The following MEGF6 variants were observed in gnomAD, a reference collection of about 807,000 sequenced individuals.
The protein encoded by MEGF6 is multiple epidermal growth factor-like domains protein 6.
In MEGF6, 184 loss-of-function variants were observed where a neutral mutation model predicts 207.1. The observed-to-expected ratio is 0.89, with a 90% confidence interval of 0.79 to 1.00. The LOEUF is 1.00. MEGF6 is among the 50% of genes least tolerant of loss of function. The pLI, the probability that MEGF6 is intolerant of heterozygous loss-of-function variation, is 0.00. For missense variants in MEGF6, 2,282 were observed against 2,202.9 expected, an observed-to-expected ratio of 1.04 and a Z score of -0.72; for synonymous variants, 1,038 against 910.0, an observed-to-expected ratio of 1.14 and a Z score of -2.53.
intron 2 of MEGF6, among the ~76,000 whole-genome samples, chr1:3,602,247 C>T (rs906284004): frequency 6.6e-6 from 1 of 152,206 alleles, no homozygotes; most frequent in Admixed American, 6.5e-5. Flanking sequence ...CTCAGGTGCT[C>T]GGCTAAACAG....
intron 35 of MEGF6, among the ~76,000 whole-genome samples, 173 bp from the exon 36 acceptor site, chr1:3,491,132 G>GC (rs967183243): frequency 4.6e-5 from 7 of 151,832 alleles, no homozygotes; most frequent in Non-Finnish European, 8.8e-5. Flanking sequence ...GGGAGCTGGG[G>GC]GGGGGGGCTC....
chr1:3,613,769 T>C (rs1644355414), upstream of MEGF6, among the ~76,000 whole-genome samples: 1 of 152,118 alleles, frequency 6.6e-6, no homozygotes, highest in Admixed American at 6.5e-5. Flanking sequence ...GTGTATGCAT[T>C]TCTAGGGCCC....
chr1:3,511,588 C>T lies in MEGF6; in HGVS notation c.1076G>A (p.Arg359His), dbSNP rs148986195. 231 of 1,612,044 alleles carry T rather than the reference C, an allele frequency of 1.4e-4. No individual in the cohort carries two copies. The highest frequency in any genetic ancestry group is 4.0e-4 in the East Asian group (18 of 44,836). ...TSAGPLCTCP[R>H]GYELDTDQRT... ...CTGATCTGTGTCCAGCTCGTAGCCG[C>T]GGGGACATGTGCACAGGGGCCCAGC... is the stretch of plus-strand genomic sequence containing the variant. Residue 359 changes from arginine (R) to histidine (H), a missense_variant, in exon 9 of 37, where the codon CGC (arginine) becomes CAC (histidine). Physicochemically the swap from Arg to His is conservative, Grantham distance 29. Coordinates refer to ENST00000356575, the MANE Select transcript of MEGF6 (RefSeq NM_001409.4).
At chr1:3,620,241 C>T in the MEGF6 span, among the ~76,000 whole-genome samples, 2 of 152,222 alleles carry the variant, frequency 1.3e-5, no homozygotes, top group Non-Finnish European at 1.5e-5. Flanking sequence ...AAAAGCAAAG[C>T]AGGACATAAA....
chr1:3,517,818 C>A (rs1430386870), intron 5 of MEGF6, among the ~76,000 whole-genome samples: 1 of 152,266 alleles, frequency 6.6e-6, no homozygotes, highest in African/African-American at 2.4e-5. Context: ...CTGTGCTCCA[C>A]AGCCCTCACC....
chr1:3,518,085 TG>T (rs1436347211), intron 5 of MEGF6, among the ~76,000 whole-genome samples: 4 of 152,210 alleles, frequency 2.6e-5, no homozygotes, highest in African/African-American at 7.2e-5. Context: ...TGACTGTTGT[TG>T]GGGGACACTC....
chr1:3,531,274 G>C (rs1199412150), intron 4 of MEGF6: 2 of 1,330,600 alleles, frequency 1.5e-6, no homozygotes, highest in Admixed American at 4.2e-5. Flanking sequence ...GCGGGAGGGG[G>C]CGAGGACCAA....
chr1:3,540,403 G>A (rs1180418764), intron 4 of MEGF6, among the ~76,000 whole-genome samples: 3 of 152,216 alleles, frequency 2.0e-5, no homozygotes, highest in Non-Finnish European at 2.9e-5. Flanking sequence ...GGCCTGGGGA[G>A]GCCCAGATTC....
chr1:3,521,210 G>T (rs954941593), intron 5 of MEGF6, among the ~76,000 whole-genome samples: 5 of 152,194 alleles, frequency 3.3e-5, no homozygotes, highest in African/African-American at 1.2e-4. Flanking sequence ...GGCCCATGGG[G>T]GTGGGAGAGG....
At chr1:3,491,135 G>T (rs1425977497) in intron 35 of MEGF6, among the ~76,000 whole-genome samples, 176 bp from the exon 36 acceptor site, 2 of 151,940 alleles carry the variant, frequency 1.3e-5, no homozygotes, top group African/African-American at 2.4e-5. Context: ...AGCTGGGGGG[G>T]GGGGCTCTCC....
At chr1:3,568,010 G>A (rs995271532) in intron 4 of MEGF6, among the ~76,000 whole-genome samples, 2 of 152,188 alleles carry the variant, frequency 1.3e-5, no homozygotes, top group South Asian at 2.1e-4. Flanking sequence ...GCCCAGCCAC[G>A]GGGCCCAGCT....
chr1:3,532,094 G>C (rs566021846), intron 4 of MEGF6, among the ~76,000 whole-genome samples: 1 of 152,246 alleles, frequency 6.6e-6, no homozygotes, highest in Non-Finnish European at 1.5e-5. Context: ...TTGCCTGCAG[G>C]GTGGCCAGCA....
intron 10 of MEGF6, 151 bp downstream of exon 10, chr1:3,510,632 C>G (rs529074316): frequency 8.9e-7 from 1 of 1,122,644 alleles, no homozygotes. Flanking sequence ...ACACAGCAGG[C>G]GCTCAACCAA....
intron 4 of MEGF6, among the ~76,000 whole-genome samples, chr1:3,546,039 G>A (rs1344466026): frequency 4.6e-5 from 7 of 152,208 alleles, no homozygotes; most frequent in Non-Finnish European, 1.0e-4. Context: ...GTGTCTGACC[G>A]GGACAGCAGA....
the MEGF6 span, among the ~76,000 whole-genome samples, chr1:3,617,631 A>C: frequency 1.3e-5 from 2 of 152,202 alleles, no homozygotes; most frequent in Non-Finnish European, 2.9e-5. Context: ...CCTGAACTTA[A>C]AACAAAATTT....
intron 2 of MEGF6, 106 bp from the exon 3 acceptor site, chr1:3,595,553 C>A (rs540626616): frequency 7.4e-6 from 7 of 942,628 alleles, no homozygotes; most frequent in Non-Finnish European, 9.9e-6. Flanking sequence ...GGGTTCCCGG[C>A]GGCACAGGCT....
At chr1:3,588,507 C>A (rs1464745332) in intron 3 of MEGF6, among the ~76,000 whole-genome samples, 4 of 72,512 alleles carry the variant, frequency 5.5e-5, no homozygotes, top group African/African-American at 2.3e-4. Context: ...CAGGACAGGG[C>A]AGGAGGGGAT....
At position 3,498,735 on chromosome 1, in the gene MEGF6, C is replaced by T. The variant is rs370693971; in HGVS notation, c.3186G>A (p.Ala1062=). ...GTCDPVSGHC[A]CPEGWAGLAC... is the part of the protein sequence containing the mutation. ...CCAGGCCGGCCCAGCCCTCTGGGCA[C>T]GCACAGTGGCCTGAGACAGGGTCAC... The change falls in exon 25 of 37, where the codon GCG becomes GCA. Residue 1062 remains alanine, a synonymous_variant. Coordinates refer to ENST00000356575, the MANE Select transcript of MEGF6 (RefSeq NM_001409.4). The T allele has an allele frequency of 7.0e-5, 109 of 1,566,148 alleles. No individual in the cohort carries two copies. Among genetic ancestry groups the T allele is most frequent in the Non-Finnish European group, 8.3e-5 (96 of 1,157,636 alleles).
rs769926442 is a variant in MEGF6 at position 3,494,760 on chromosome 1, T to G, written c.3872-19A>C. 6.4e-7 allele frequency: 1 copy of G among 1,556,184 alleles called. No individual in the cohort carries two copies. Among genetic ancestry groups the G allele is most frequent in the Non-Finnish European group, 8.7e-7 (1 of 1,149,608 alleles). ...GGGCAGCCTGGAGACAGAAGGCAGG[T>G]GCTGCCTGGAGCTCTGGCCGAGGGC... is the stretch of plus-strand genomic sequence containing the variant. On this transcript the variant is annotated intron_variant, in intron 30 of 36. Transcript: ENST00000356575.
Sources: gnomAD v4.1 joint callset for allele counts (sites outside exome capture counted in the v4.1 genomes callset) on GRCh38, gnomAD v4.1.1 for gene constraint, MANE v1.5 for transcripts, NCBI Gene and HGNC (gene_info 2026-07-23, HGNC 2026-07-21) for gene names.